CREBRF: variants seen among roughly 807,000 people sequenced by gnomAD.
CREBRF encodes the protein CREB3 regulatory factor, also known as UPF0474 protein C5orf41.
CREBRF carries 5 observed loss-of-function variants against 66.1 expected under a neutral mutation model. The ratio of observed to expected loss-of-function variants is 0.08; its 90% CI spans 0.04 to 0.16. The LOEUF is 0.16. CREBRF is among the 10% of genes least tolerant of loss of function. The probability of loss-of-function intolerance (pLI) is 1.00; values close to 1 mark genes in which losing one functional copy is unlikely to be tolerated. For synonymous variants in CREBRF, 229 were observed against 264.4 expected, an observed-to-expected ratio of 0.87 and a Z score of 1.30; for missense variants, 531 against 744.9, an observed-to-expected ratio of 0.71 and a Z score of 3.34.
chr5:173,129,031 C>T (rs969141048), intron 8 of CREBRF, among the ~76,000 whole-genome samples: 9 of 150,158 alleles, frequency 6.0e-5, no homozygotes, highest in East Asian at 4.0e-4. Flanking sequence ...CCACCCGCCT[C>T]GGCCTCCCAT....
Position 173,135,377 on chromosome 5 carries a change from G to A in CREBRF, c.*1632G>A, listed in dbSNP as rs1759561427. 6.6e-6 allele frequency: 1 copy of A among 152,380 alleles called. No homozygotes were observed. The highest frequency in any genetic ancestry group is 2.1e-4 in the South Asian group (1 of 4,822). 9.4% of individuals were successfully genotyped at this position (152,380 alleles called of 1,614,324 possible). Reference sequence around the variant, plus strand: ...TAGTCAGTGTTTTAACTGTGTTCAAGCTTTACCTCTTGATGAGAAATTTCT... The same window carrying A: ...TAGTCAGTGTTTTAACTGTGTTCAAACTTTACCTCTTGATGAGAAATTTCT... On this transcript the variant is annotated 3_prime_UTR_variant, in exon 9 of 9. Transcript: ENST00000296953.
At chr5:173,062,795 T>C (rs1298961695) in intron 1 of CREBRF, among the ~76,000 whole-genome samples, 2 of 146,322 alleles carry the variant, frequency 1.4e-5, no homozygotes, top group Non-Finnish European at 3.0e-5. Flanking sequence ...TCGCCCAGGC[T>C]GGAGTGCAGT....
intron 4 of CREBRF, among the ~76,000 whole-genome samples, chr5:173,100,720 C>T (rs1371745440): frequency 6.6e-6 from 1 of 152,160 alleles, no homozygotes; most frequent in Non-Finnish European, 1.5e-5. Flanking sequence ...CACACCGCTC[C>T]CCCCCAACCC....
At chr5:173,058,650 A>AT (rs575796008) in intron 1 of CREBRF, among the ~76,000 whole-genome samples, 4 of 148,452 alleles carry the variant, frequency 2.7e-5, no homozygotes, top group Admixed American at 6.7e-5. Flanking sequence ...CGCCCGGCTA[A>AT]TTTTTTTTGT....
At chr5:173,115,902 G>A (rs1271443611) in intron 7 of CREBRF, among the ~76,000 whole-genome samples, 2 of 152,292 alleles carry the variant, frequency 1.3e-5, no homozygotes, top group African/African-American at 4.8e-5. Context: ...GAGCCACCGC[G>A]CCCGGCCCCT....
intron 4 of CREBRF, among the ~76,000 whole-genome samples, chr5:173,101,107 G>A (rs193058245): frequency 6.6e-6 from 1 of 152,056 alleles, no homozygotes; most frequent in Non-Finnish European, 1.5e-5. Context: ...TCTTGCTCAG[G>A]CTAGAGTGCA....
chr5:173,073,638 C>G (rs959906753), intron 1 of CREBRF, among the ~76,000 whole-genome samples: 4 of 152,216 alleles, frequency 2.6e-5, no homozygotes, highest in Non-Finnish European at 5.9e-5. Flanking sequence ...GTAGTCCTTC[C>G]CATTCAACTC....
chr5:173,068,954 C>A (rs910160558), intron 1 of CREBRF, among the ~76,000 whole-genome samples: 3 of 151,630 alleles, frequency 2.0e-5, no homozygotes, highest in Non-Finnish European at 2.9e-5. Context: ...CACCTGTAGT[C>A]CCAGCTACTC....
intron 2 of CREBRF, among the ~76,000 whole-genome samples, chr5:173,082,020 T>TTTTTTTTTTTGTTTTTG (rs1757968384): frequency 7.5e-6 from 1 of 133,648 alleles, no homozygotes; most frequent in Non-Finnish European, 1.6e-5. Context: ...TTTTTTTTTT[T>TTTTTTTTTTTGTTTTTG]TTTTTTTTTT....
intron 1 of CREBRF, among the ~76,000 whole-genome samples, chr5:173,078,367 A>G (rs989837023): frequency 1.3e-5 from 2 of 152,158 alleles, no homozygotes; most frequent in African/African-American, 4.8e-5. Flanking sequence ...GGCTTAAGCC[A>G]GTTCCATATA....
chr5:173,068,156 A>T, intron 1 of CREBRF: 1 of 453,314 alleles, frequency 2.2e-6, no homozygotes, highest in South Asian at 1.6e-5. Flanking sequence ...AGTTACTGTA[A>T]ATTTTATTCT....
At chr5:173,056,793 C>T (rs1043985977) in intron 1 of CREBRF, among the ~76,000 whole-genome samples, 1 of 151,540 alleles carries the variant, frequency 6.6e-6, no homozygotes, top group African/African-American at 2.4e-5. Context: ...GCCGGGCGTC[C>T]GTCCTGCCGG....
chr5:173,102,728 C>G (rs1029316729), intron 4 of CREBRF, among the ~76,000 whole-genome samples: 8 of 152,084 alleles, frequency 5.3e-5, no homozygotes, highest in Non-Finnish European at 8.8e-5. Flanking sequence ...TGGGGCAGGC[C>G]TGTCAACTAG....
chr5:173,107,804 C>G (rs1301767440), intron 4 of CREBRF, among the ~76,000 whole-genome samples: 4 of 150,022 alleles, frequency 2.7e-5, no homozygotes, highest in Admixed American at 1.3e-4. Context: ...AGTGAGACCT[C>G]TGTCTCTACA....
chr5:173,112,282 A>T (rs1159188582), intron 6 of CREBRF, 24 bp from the exon 7 acceptor site: 2 of 1,516,968 alleles, frequency 1.3e-6, no homozygotes, highest in Admixed American at 4.1e-5. Flanking sequence ...AAGAAAGTGA[A>T]CTAACTGCTC....
intron 2 of CREBRF, chr5:173,086,039 C>A (rs1758134967): frequency 1.7e-6 from 2 of 1,148,178 alleles, no homozygotes; most frequent in Admixed American, 3.4e-5. Context: ...CTTTGCCCTG[C>A]AGTATCAAAA....
intron 3 of CREBRF, 74 bp downstream of exon 3, chr5:173,086,700 A>G: frequency 7.3e-7 from 1 of 1,362,866 alleles, no homozygotes. Context: ...TTTGTTTATA[A>G]ATGCCTGAAA....
chr5:173,086,687 T>C (rs952366095), intron 3 of CREBRF, 61 bp downstream of exon 3: 113 of 1,494,038 alleles, frequency 7.6e-5, no homozygotes, highest in Non-Finnish European at 8.3e-5. Flanking sequence ...TGTGGGAGAG[T>C]TTTTTGTTTA....
At chr5:173,120,185 A>T (rs1425808098) in intron 7 of CREBRF, among the ~76,000 whole-genome samples, 1 of 151,978 alleles carries the variant, frequency 6.6e-6, no homozygotes, top group Non-Finnish European at 1.5e-5. Context: ...TTGGACCATG[A>T]TCTCTCTTTC....
Sources: gnomAD v4.1 joint callset for allele counts (sites outside exome capture counted in the v4.1 genomes callset) on GRCh38, gnomAD v4.1.1 for gene constraint, MANE v1.5 for transcripts, NCBI Gene and HGNC (gene_info 2026-07-23, HGNC 2026-07-21) for gene names.